Variants in ANK1 observed in about 807,000 individuals in gnomAD.
ANK1 encodes the protein ankyrin-1.
Under a neutral mutation model 210.4 loss-of-function variants are expected in ANK1, and 51 were observed. The ratio of observed to expected loss-of-function variants is 0.24; its 90% CI spans 0.19 to 0.31. The LOEUF is 0.31. Ranked by LOEUF, ANK1 falls within the 10% of genes least tolerant of loss-of-function variation. The pLI, the probability that ANK1 is intolerant of heterozygous loss-of-function variation, is 1.00. For synonymous variants in ANK1, 967 were observed against 1,025.9 expected, an observed-to-expected ratio of 0.94 and a Z score of 1.10; for missense variants, 2,051 against 2,504.4, an observed-to-expected ratio of 0.82 and a Z score of 3.86.
chr8:41,878,880 T>C (rs1045211887), intron 1 of ANK1, among the ~76,000 whole-genome samples: 20 of 151,982 alleles, frequency 1.3e-4, no homozygotes, highest in Non-Finnish European at 2.8e-4. Context: ...CTGGCCAACA[T>C]GGTGAAACCC....
chr8:41,874,224 G>A (rs1816131519), intron 1 of ANK1, among the ~76,000 whole-genome samples: 1 of 152,178 alleles, frequency 6.6e-6, no homozygotes, highest in African/African-American at 2.4e-5. Context: ...ACTGTCTCAG[G>A]GACACCCTTG....
chr8:41,741,977 T>A (rs1834909132), intron 2 of ANK1, among the ~76,000 whole-genome samples: 1 of 152,240 alleles, frequency 6.6e-6, no homozygotes, highest in Non-Finnish European at 1.5e-5. Context: ...GCACCTGCCT[T>A]TGCTCTTTTT....
chr8:41,856,241 C>G (rs1812157105), intron 1 of ANK1, among the ~76,000 whole-genome samples: 1 of 152,176 alleles, frequency 6.6e-6, no homozygotes, highest in Non-Finnish European at 1.5e-5. Flanking sequence ...TGTAGAGTCC[C>G]TAAGGTCCAG....
intron 1 of ANK1, among the ~76,000 whole-genome samples, chr8:41,830,628 G>C (rs1587278981): frequency 6.6e-6 from 1 of 152,156 alleles, no homozygotes; most frequent in South Asian, 2.1e-4. Flanking sequence ...TAAAGAAAAG[G>C]TTGTCTGGGA....
intron 40 of ANK1, among the ~76,000 whole-genome samples, chr8:41,662,220 G>A (rs185002795): frequency 3.9e-4 from 59 of 151,662 alleles, no homozygotes; most frequent in Middle Eastern, 6.8e-3. Context: ...TTGCATCACT[G>A]CACTCCAGCC....
intron 1 of ANK1, among the ~76,000 whole-genome samples, chr8:41,821,152 G>C (rs1242252673): frequency 6.6e-6 from 1 of 152,076 alleles, no homozygotes; most frequent in East Asian, 1.9e-4. Flanking sequence ...GGCATATTCT[G>C]GTCTCCTAAG....
At chr8:41,784,956 G>A (rs1846049186) in intron 1 of ANK1, among the ~76,000 whole-genome samples, 1 of 152,224 alleles carries the variant, frequency 6.6e-6, no homozygotes, top group Non-Finnish European at 1.5e-5. Context: ...GGGCTTCCAA[G>A]GGTTCCATCT....
chr8:41,734,126 G>T, intron 2 of ANK1, 57 bp from the exon 3 acceptor site: 2 of 1,431,930 alleles, frequency 1.4e-6, no homozygotes, highest in South Asian at 1.1e-5. Flanking sequence ...CTTTCTGCAC[G>T]TCCCAGTGGG....
chr8:41,819,600 G>A (rs888749844), intron 1 of ANK1, among the ~76,000 whole-genome samples: 9 of 152,144 alleles, frequency 5.9e-5, no homozygotes, highest in South Asian at 2.1e-4. Flanking sequence ...CTTTCCCAGC[G>A]CTAACCAAGC....
intron 1 of ANK1, among the ~76,000 whole-genome samples, chr8:41,858,032 A>G (rs1812542395): frequency 6.6e-6 from 1 of 152,180 alleles, no homozygotes; most frequent in Non-Finnish European, 1.5e-5. Context: ...GTTTGAGGCC[A>G]TCCTGGACAA....
intron 1 of ANK1, among the ~76,000 whole-genome samples, chr8:41,834,574 A>G (rs1807270767): frequency 6.6e-6 from 1 of 152,212 alleles, no homozygotes; most frequent in African/African-American, 2.4e-5. Flanking sequence ...TTTCAGCCAC[A>G]GTTGCACAGG....
intron 2 of ANK1, among the ~76,000 whole-genome samples, chr8:41,756,318 G>A (rs937325942): frequency 6.6e-6 from 1 of 151,282 alleles, no homozygotes; most frequent in African/African-American, 2.4e-5. Flanking sequence ...GCTAATTTTA[G>A]TATTTTTAGT....
At chr8:41,655,860 TCAGGAAAAGCAGTCTCCC>T (rs1314805469) in intron 42 of ANK1, 107 bp from the exon 43 acceptor site, 14 of 1,324,490 alleles carry the variant, frequency 1.1e-5, no homozygotes, top group Non-Finnish European at 1.4e-5. Flanking sequence ...CGAATCTGAC[TCAGGAAAAGCAGTCTCCC>T]CAGGCAGGGC....
rs368505002 is a variant in ANK1, at chr8:41,684,731, T to A, written c.4391-41A>T. ...AGAGATGCACGTTACTCCAGGCCGG[T>A]GAGCGAGGATCACATGGGCTCAGAA... is the stretch of plus-strand genomic sequence containing the variant. On this transcript the variant is annotated intron_variant, in intron 36 of 42. Transcript: ENST00000289734. The A allele has an allele frequency of 8.1e-6, 13 of 1,601,392 alleles. No homozygotes were observed. In the African/African-American group the frequency reaches 1.7e-4, roughly 21 times the overall value.
Position 41,797,429 on chromosome 8 carries a change from G to C in ANK1, c.27+83C>G, listed in dbSNP as rs1848961665. 7.6e-7 allele frequency: 1 copy of C among 1,310,166 alleles called. No individual in the cohort carries two copies. The highest frequency in any genetic ancestry group is 1.1e-6 in the Non-Finnish European group (1 of 926,026). The allele number at this position is 1,310,166 out of a possible 1,614,324, so 81.2% of individuals were successfully genotyped here. ...GGGTGGGGTGTGCAAAGCTGCTCTTGCTCGCGTGCTGCCTACTGGCGCGGC... is the reference window on the plus strand; with the variant it reads ...GGGTGGGGTGTGCAAAGCTGCTCTTCCTCGCGTGCTGCCTACTGGCGCGGC... On this transcript the variant is annotated intron_variant, in intron 1 of 42. Transcript: ENST00000289734. This position sits in a 1 kb window ranked among gnomAD's most constrained non-coding sequence, Gnocchi z 4.0.
intron 1 of ANK1, among the ~76,000 whole-genome samples, chr8:41,863,140 C>T (rs1461484067): frequency 3.9e-5 from 6 of 152,124 alleles, no homozygotes; most frequent in African/African-American, 7.2e-5. Flanking sequence ...AGGCGGATCA[C>T]GAGGTCAGGA....
intron 2 of ANK1, among the ~76,000 whole-genome samples, chr8:41,756,622 T>C (rs1449753079): frequency 6.6e-6 from 1 of 152,180 alleles, no homozygotes; most frequent in Non-Finnish European, 1.5e-5. Context: ...TTTGTACTTT[T>C]AATAGAGATG....
chr8:41,752,737 A>G (rs1446247060), intron 2 of ANK1, among the ~76,000 whole-genome samples: 1 of 148,618 alleles, frequency 6.7e-6, no homozygotes, highest in African/African-American at 2.5e-5. Context: ...CTCCATCTCC[A>G]CAGCCATGAC....
intron 9 of ANK1, 43 bp downstream of exon 9, chr8:41,723,082 A>G: frequency 1.3e-6 from 2 of 1,560,890 alleles, no homozygotes; most frequent in Non-Finnish European, 1.8e-6. Context: ...TTGGACCTGG[A>G]GCCCTGTCTA....
Sources: gnomAD v4.1 joint callset for allele counts (sites outside exome capture counted in the v4.1 genomes callset) on GRCh38, gnomAD v4.1.1 for gene constraint, Gnocchi (gnomAD v3.1) non-coding constraint, MANE v1.5 for transcripts, NCBI Gene and HGNC (gene_info 2026-07-23, HGNC 2026-07-21) for gene names.